Variants in LSAMP observed in about 807,000 individuals in gnomAD.
The protein encoded by LSAMP is limbic system associated membrane protein.
LSAMP carries 7 observed loss-of-function variants against 38.6 expected under a neutral mutation model. That is an observed-to-expected ratio of 0.18 (90% confidence interval 0.10 to 0.34). LSAMP has a LOEUF of 0.34. LSAMP is among the 10% of genes least tolerant of loss of function. The probability of loss-of-function intolerance (pLI) is 1.00; values close to 1 mark genes in which losing one functional copy is unlikely to be tolerated. For missense variants in LSAMP, 313 were observed against 420.0 expected (o/e 0.75, Z 2.23); for synonymous variants, 154 against 166.8 (o/e 0.92, Z 0.59).
chr3:115,903,941 G>T (rs1028256041), intron 3 of LSAMP, among the ~76,000 whole-genome samples: 2 of 152,090 alleles, frequency 1.3e-5, no homozygotes, highest in Admixed American at 6.6e-5. Context: ...AAACTGTCTT[G>T]GGTTTGCATA....
At chr3:116,359,267 G>T (rs776865984) in intron 1 of LSAMP, among the ~76,000 whole-genome samples, 3 of 152,100 alleles carry the variant, frequency 2.0e-5, no homozygotes, top group Non-Finnish European at 4.4e-5. Flanking sequence ...GAGTTAGCAG[G>T]TAGTGAAAAA....
intron 1 of LSAMP, among the ~76,000 whole-genome samples, chr3:116,423,927 AT>A (rs1559863163): frequency 6.6e-6 from 1 of 152,214 alleles, no homozygotes; most frequent in African/African-American, 2.4e-5. Context: ...AAATATCAGT[AT>A]TTTTTAAAAA....
chr3:115,843,836 T>G (rs1372424384), intron 4 of LSAMP, among the ~76,000 whole-genome samples: 1 of 152,244 alleles, frequency 6.6e-6, no homozygotes, highest in African/African-American at 2.4e-5. Context: ...TAGACATTTT[T>G]AAATCACTGT....
intron 1 of LSAMP, among the ~76,000 whole-genome samples, chr3:116,098,127 A>T (rs923356218): frequency 6.6e-6 from 1 of 152,162 alleles, no homozygotes; most frequent in Non-Finnish European, 1.5e-5. Flanking sequence ...AATCAAACAG[A>T]TCTATCACAG....
chr3:116,128,464 A>G (rs781300483), intron 1 of LSAMP, among the ~76,000 whole-genome samples: 12 of 152,146 alleles, frequency 7.9e-5, no homozygotes, highest in Non-Finnish European at 1.6e-4. Context: ...TTCCCATACT[A>G]TATCCATGGG....
intron 1 of LSAMP, among the ~76,000 whole-genome samples, chr3:116,167,225 GTC>G (rs1190236661): frequency 6.6e-6 from 1 of 152,062 alleles, no homozygotes; most frequent in African/African-American, 2.4e-5. Context: ...CCAATATGTA[GTC>G]TTTTTGCCCT....
chr3:115,993,807 A>G (rs1029798433), intron 3 of LSAMP, among the ~76,000 whole-genome samples: 1 of 152,004 alleles, frequency 6.6e-6, no homozygotes, highest in Admixed American at 6.6e-5. Context: ...TCTTATTAGT[A>G]TGCAATTTTT....
chr3:116,114,693 C>T (rs1352473482), intron 1 of LSAMP, among the ~76,000 whole-genome samples: 1 of 152,198 alleles, frequency 6.6e-6, no homozygotes, highest in Non-Finnish European at 1.5e-5. Flanking sequence ...CATTTATAAT[C>T]TTGTGATATC....
At chr3:116,287,219 T>C (rs770630006) in intron 1 of LSAMP, among the ~76,000 whole-genome samples, 16 of 152,126 alleles carry the variant, frequency 1.1e-4, no homozygotes, top group Admixed American at 2.6e-4. Flanking sequence ...GAGAGAGTCA[T>C]AAATGCATGT....
intron 1 of LSAMP, among the ~76,000 whole-genome samples, chr3:116,128,804 C>A (rs1709063708): frequency 6.6e-6 from 1 of 152,076 alleles, no homozygotes; most frequent in South Asian, 2.1e-4. Context: ...GAACACAATG[C>A]AGAAAAAGAG....
chr3:115,958,431 C>G (rs573273451), intron 3 of LSAMP, among the ~76,000 whole-genome samples: 1 of 152,082 alleles, frequency 6.6e-6, no homozygotes, highest in Non-Finnish European at 1.5e-5. Flanking sequence ...GAATTGTAAA[C>G]GTTTCAAAGA....
At chr3:116,008,928 C>A (rs1576303619) in intron 3 of LSAMP, among the ~76,000 whole-genome samples, 1 of 152,140 alleles carries the variant, frequency 6.6e-6, no homozygotes, top group Non-Finnish European at 1.5e-5. Context: ...ACCCAATATT[C>A]TGCATTTCCT....
intron 1 of LSAMP, among the ~76,000 whole-genome samples, chr3:116,225,551 T>G (rs944224058): frequency 6.6e-6 from 1 of 152,154 alleles, no homozygotes; most frequent in African/African-American, 2.4e-5. Flanking sequence ...AATAACAAAA[T>G]TATTGCTATT....
intron 1 of LSAMP, among the ~76,000 whole-genome samples, chr3:116,108,407 C>T (rs2091670): frequency 0.082 from 12,440 of 152,020 alleles, 1,654 homozygotes; most frequent in African/African-American, 0.28. Context: ...CGTCAATACC[C>T]ACAACAGTTA....
chr3:116,444,921 G>C lies in LSAMP; in HGVS notation c.111C>G (p.Gly37=), dbSNP rs1559870834. The change falls in exon 1 of 7, where the codon GGC becomes GGG. Residue 37 remains glycine, a synonymous_variant. Coordinates refer to ENST00000490035, the MANE Select transcript of LSAMP (RefSeq NM_002338.5). ...LPVRSVDFNR[G]TDNITVRQGD... Reference sequence around the variant, plus strand: ...CCTGCCTCACGGTGATGTTGTCCGTGCCTCGGTTAAAATCCACGCTGCGAA... The same window carrying C: ...CCTGCCTCACGGTGATGTTGTCCGTCCCTCGGTTAAAATCCACGCTGCGAA... 3 of 1,614,094 alleles carry C rather than the reference G, an allele frequency of 1.9e-6. No homozygotes were observed. The highest frequency in any genetic ancestry group is 1.7e-6 in the Non-Finnish European group (2 of 1,180,034).
In LSAMP at chr3:115,818,790, T is replaced by TTATATATATATATA. The variant is rs66654115; in HGVS notation, c.920-8390_920-8377dup. Among the ~76,000 whole-genome samples the TTATATATATATATA allele has an allele frequency of 8.2e-3, 572 of 69,488 alleles. 39 individuals carry two copies. Among genetic ancestry groups the TTATATATATATATA allele is most frequent in the South Asian group, 0.013 (17 of 1,314 alleles). 45.6% of individuals were successfully genotyped at this position (69,488 alleles called of 152,430 possible). A position where few individuals can be genotyped will look rare whatever the true frequency, so the allele number is the denominator to read the frequency against. On this transcript the variant is annotated intron_variant, in intron 6 of 6. Coordinates refer to ENST00000490035, the MANE Select transcript of LSAMP (RefSeq NM_002338.5). ...ATAAGAAAGAAGGAAAGTTGTACTT[T>TTATATATATATATA]TATATATATATATATATATATATAT...
chr3:116,343,386 A>G (rs2048022660), intron 1 of LSAMP, among the ~76,000 whole-genome samples: 1 of 152,080 alleles, frequency 6.6e-6, no homozygotes, highest in African/African-American at 2.4e-5. Context: ...GCCTGAAGGG[A>G]TTGGTGGGGA....
rs533555284 is a variant in LSAMP, at chr3:116,376,383, C to T, written c.155+68494G>A. ...ACAATAACAAAATATTTTACTTTCA[C>T]AGGCCATACCAATGCTTGACTTCTT... On this transcript the variant is annotated intron_variant, in intron 1 of 6. Coordinates refer to ENST00000490035, the MANE Select transcript of LSAMP (RefSeq NM_002338.5). Among the ~76,000 whole-genome samples the T allele has an allele frequency of 2.0e-5, 3 of 152,120 alleles. 1 individual carries two copies. The South Asian group carries it at 6.2e-4, about 32-fold the overall frequency.
At chr3:116,351,597 C>T (rs2048140853) in intron 1 of LSAMP, among the ~76,000 whole-genome samples, 1 of 152,040 alleles carries the variant, frequency 6.6e-6, no homozygotes, top group Admixed American at 6.6e-5. Context: ...ACTAAACAGA[C>T]TCTTCCCAAT....
Sources: allele counts gnomAD v4.1 joint callset (sites outside exome capture counted in the v4.1 genomes callset), GRCh38; gene constraint gnomAD v4.1.1; transcripts MANE v1.5; gene names NCBI Gene and HGNC (gene_info 2026-07-23, HGNC 2026-07-21).